Variants in TTC39B observed in about 807,000 individuals in gnomAD.
TTC39B encodes the protein tetratricopeptide repeat domain 39B.
In TTC39B, 92 loss-of-function variants were observed where a neutral mutation model predicts 96.6. The observed-to-expected ratio is 0.95, with a 90% CI of 0.80 to 1.13. TTC39B has a LOEUF of 1.13. Among genes scored for constraint, TTC39B ranks in the 50% most tolerant of loss-of-function variants. The pLI is 0.00. For synonymous variants in TTC39B, 367 were observed against 299.4 expected, an observed-to-expected ratio of 1.23 and a Z score of -2.33; for missense variants, 955 against 809.3, an observed-to-expected ratio of 1.18 and a Z score of -2.18.
chr9:15,285,444 C>A (rs892635007), intron 1 of TTC39B, among the ~76,000 whole-genome samples: 1 of 152,160 alleles, frequency 6.6e-6, no homozygotes, highest in Non-Finnish European at 1.5e-5. Context: ...GTAATAGATA[C>A]CCCAATTACC....
chr9:15,211,167 T>G (rs1229173940), intron 5 of TTC39B, 99 bp downstream of exon 5: 29 of 1,333,038 alleles, frequency 2.2e-5, no homozygotes, highest in South Asian at 2.1e-5. Flanking sequence ...TGTGGCCAAT[T>G]TCAAACACAG....
intron 1 of TTC39B, among the ~76,000 whole-genome samples, chr9:15,282,625 C>T (rs1823808614): frequency 6.6e-6 from 1 of 152,128 alleles, no homozygotes; most frequent in Non-Finnish European, 1.5e-5. Flanking sequence ...GGCTAACACA[C>T]CCTCTACAAC....
At chr9:15,252,672 A>G (rs1563765441) in intron 2 of TTC39B, among the ~76,000 whole-genome samples, 2 of 152,202 alleles carry the variant, frequency 1.3e-5, no homozygotes, top group Non-Finnish European at 2.9e-5. Context: ...ATATTAGGTG[A>G]AACCTAAGGA....
chr9:15,273,227 T>C (rs889369509), intron 1 of TTC39B, among the ~76,000 whole-genome samples: 1 of 152,340 alleles, frequency 6.6e-6, no homozygotes, highest in South Asian at 2.1e-4. Flanking sequence ...AAATATGCTA[T>C]TAACAGTAGT....
chr9:15,210,175 T>G lies in TTC39B; in HGVS notation c.615-11A>C. ...TATTTTTTCCTGTATCTACATTGAATAAATAAAAAGGGAGATAGAAAATAG... is the reference window on the plus strand; with the variant it reads ...TATTTTTTCCTGTATCTACATTGAAGAAATAAAAAGGGAGATAGAAAATAG... On this transcript the variant is annotated splice_polypyrimidine_tract_variant and intron_variant, in intron 5 of 19. Coordinates refer to ENST00000512701, the Ensembl canonical transcript of TTC39B. The G allele has an allele frequency of 6.5e-7, 1 of 1,530,828 alleles. No homozygotes were observed. Among genetic ancestry groups the G allele is most frequent in the Non-Finnish European group, 8.9e-7 (1 of 1,128,026 alleles). The allele number at this position is 1,530,828 out of a possible 1,614,324, so 94.8% of individuals were successfully genotyped here.
exon 20 of TTC39B, chr9:15,166,791 T>TA (rs539468685): frequency 5.1e-4 from 78 of 151,642 alleles, no homozygotes; most frequent in African/African-American, 1.6e-3. Context: ...AAGAACTGTA[T>TA]AAAACAATGT....
chr9:15,244,623 G>A (rs753948298), intron 2 of TTC39B, among the ~76,000 whole-genome samples: 2 of 152,202 alleles, frequency 1.3e-5, no homozygotes, highest in Non-Finnish European at 2.9e-5. Context: ...TGTTATTAGA[G>A]GAGTTATGGG....
chr9:15,298,378 A>C (rs923170152), intron 1 of TTC39B, among the ~76,000 whole-genome samples: 4 of 152,176 alleles, frequency 2.6e-5, no homozygotes, highest in Admixed American at 2.6e-4. Context: ...TACTGCTGTG[A>C]AGAAATACCC....
chr9:15,304,065 T>C (rs139891616), intron 1 of TTC39B, among the ~76,000 whole-genome samples: 1 of 152,314 alleles, frequency 6.6e-6, no homozygotes, highest in East Asian at 1.9e-4. Context: ...TAATAAAATA[T>C]AAATGATTTT....
chr9:15,177,910 C>T lies in TTC39B; in HGVS notation c.1724-96G>A, dbSNP rs1444633676. ...TTTGAGACGGACTCTCGCTCTCTCA[C>T]CCAGGCTGGAGTGCAGTGGCGCAAT... On this transcript the variant is annotated intron_variant, in intron 17 of 19. Transcript: ENST00000512701. 5.3e-6 allele frequency: 4 copies of T among 757,256 alleles called. No homozygotes were observed. The African/African-American group carries it at 7.4e-5, about 14-fold the overall frequency. The allele number at this position is 757,256 out of a possible 1,614,324, so 46.9% of individuals were successfully genotyped here.
At chr9:15,273,746 G>C (rs929502632) in intron 1 of TTC39B, among the ~76,000 whole-genome samples, 1 of 152,106 alleles carries the variant, frequency 6.6e-6, no homozygotes, top group African/African-American at 2.4e-5. Flanking sequence ...GACCAATGAA[G>C]CTGTGTGTTT....
At chr9:15,190,270 C>G (rs1818780176) in intron 11 of TTC39B, among the ~76,000 whole-genome samples, 2 of 152,124 alleles carry the variant, frequency 1.3e-5, no homozygotes, top group Non-Finnish European at 2.9e-5. Context: ...ATATGAACTA[C>G]TAGCTCTTGC....
At chr9:15,203,742 G>C in intron 7 of TTC39B, 81 bp downstream of exon 7, 1 of 1,120,850 alleles carries the variant, frequency 8.9e-7, no homozygotes, top group Non-Finnish European at 1.3e-6. Flanking sequence ...CTGAAGCTTT[G>C]ACATAGAATG....
intron 2 of TTC39B, chr9:15,250,149 T>C: frequency 8.2e-7 from 1 of 1,213,850 alleles, no homozygotes; most frequent in Non-Finnish European, 1.0e-6. Flanking sequence ...ATCCCAGGGC[T>C]TTCCAGGGCA....
intron 1 of TTC39B, among the ~76,000 whole-genome samples, chr9:15,268,285 A>C (rs922188555): frequency 6.6e-6 from 1 of 152,194 alleles, no homozygotes; most frequent in Non-Finnish European, 1.5e-5. Context: ...AATAAATAAG[A>C]GGACTTGCCC....
intron 2 of TTC39B, among the ~76,000 whole-genome samples, chr9:15,242,506 C>G (rs1265656559): frequency 1.3e-5 from 2 of 152,182 alleles, no homozygotes; most frequent in Admixed American, 6.5e-5. Flanking sequence ...TCGCTTGAAA[C>G]AGGACGGTTG....
In TTC39B at chr9:15,263,955, G is replaced by C. The variant is rs140106028; in HGVS notation, c.275+3959C>G. 4.9e-3 allele frequency among the ~76,000 whole-genome samples: 743 copies of C among 152,292 alleles called. 9 individuals are homozygous for C. Among genetic ancestry groups the C allele is most frequent in the African/African-American group, 0.017 (727 of 41,548 alleles). On this transcript the variant is annotated intron_variant, in intron 2 of 19. Coordinates refer to ENST00000512701, the Ensembl canonical transcript of TTC39B. ...AAAGAGCAAGATACATTCTAAAATG[G>C]GGAAACCTTTGGATTTGTTAAACTG...
chr9:15,250,247 T>TC (rs1438259092), intron 2 of TTC39B: 2 of 1,093,324 alleles, frequency 1.8e-6, no homozygotes, highest in Non-Finnish European at 2.2e-6. Flanking sequence ...AGATTTTTTT[T>TC]CCCCCAATCT....
chr9:15,219,059 G>C (rs1401652332), intron 3 of TTC39B, among the ~76,000 whole-genome samples: 1 of 152,082 alleles, frequency 6.6e-6, no homozygotes, highest in African/African-American at 2.4e-5. Context: ...ATGAAAAACT[G>C]ATTTATAAAA....
Sources: allele counts gnomAD v4.1 joint callset (sites outside exome capture counted in the v4.1 genomes callset), GRCh38; gene constraint gnomAD v4.1.1; transcripts MANE v1.5; gene names NCBI Gene and HGNC (gene_info 2026-07-23, HGNC 2026-07-21).